Variants in CMTM8 observed in about 807,000 individuals in gnomAD.
CMTM8 encodes the protein CKLF like MARVEL transmembrane domain containing 8.
CMTM8 carries 12 observed loss-of-function variants against 18.6 expected under a neutral mutation model. The ratio of observed to expected loss-of-function variants is 0.65; its 90% CI spans 0.41 to 1.05. The LOEUF is 1.05. CMTM8 is among the 50% of genes least tolerant of loss of function. The probability of loss-of-function intolerance (pLI) is 0.00; values close to 1 mark genes in which losing one functional copy is unlikely to be tolerated. For synonymous variants in CMTM8, 87 were observed against 90.6 expected, an observed-to-expected ratio of 0.96 and a Z score of 0.23; for missense variants, 217 against 227.2, an observed-to-expected ratio of 0.95 and a Z score of 0.29.
chr3:32,268,712 T>C (rs1702388843), intron 1 of CMTM8, among the ~76,000 whole-genome samples: 1 of 152,128 alleles, frequency 6.6e-6, no homozygotes, highest in Non-Finnish European at 1.5e-5. Flanking sequence ...GCTTTGTAGG[T>C]AGAGTGGGAA....
rs867768478 is a variant in CMTM8 at position 32,340,622 on chromosome 3, C to T, written c.148-16751C>T. On this transcript the variant is annotated intron_variant, in intron 1 of 3. Coordinates refer to ENST00000307526, the MANE Select transcript of CMTM8 (RefSeq NM_178868.5). ...TTGGCAAACTTTTTCTATAAAGGGC[C>T]AGATAGTAAATATTTCAGGCTATGT... Among the ~76,000 whole-genome samples, 112 of 152,258 alleles carry T rather than the reference C, an allele frequency of 7.4e-4. No homozygotes were observed. The Middle Eastern group carries it at 0.02, about 28-fold the overall frequency.
At chr3:32,292,519 A>G (rs542234159) in intron 1 of CMTM8, among the ~76,000 whole-genome samples, 1 of 152,202 alleles carries the variant, frequency 6.6e-6, no homozygotes, top group Non-Finnish European at 1.5e-5. Context: ...AAAGCTGTGC[A>G]CAGAAATCTT....
chr3:32,288,668 T>C (rs750820802), intron 1 of CMTM8, among the ~76,000 whole-genome samples: 2 of 152,076 alleles, frequency 1.3e-5, no homozygotes, highest in Non-Finnish European at 2.9e-5. Flanking sequence ...GCCCAGCTAA[T>C]TTTTTGTATT....
intron 1 of CMTM8, among the ~76,000 whole-genome samples, chr3:32,251,887 C>T (rs1163124126): frequency 3.3e-5 from 5 of 150,948 alleles, no homozygotes; most frequent in Admixed American, 2.6e-4. Context: ...CTCAGGAGTT[C>T]GAGACTAGTC....
At chr3:32,366,271 G>A (rs1697033384) in intron 2 of CMTM8, among the ~76,000 whole-genome samples, 1 of 152,174 alleles carries the variant, frequency 6.6e-6, no homozygotes, top group Non-Finnish European at 1.5e-5. Flanking sequence ...AAGGGAAATA[G>A]CAGTTTCTTG....
chr3:32,259,307 C>A, intron 1 of CMTM8: 3 of 702,518 alleles, frequency 4.3e-6, no homozygotes, highest in Non-Finnish European at 7.9e-6. Flanking sequence ...GACCCCAGGT[C>A]AGAGACTGGG....
At chr3:32,275,412 G>C (rs1056068937) in intron 1 of CMTM8, among the ~76,000 whole-genome samples, 2 of 152,094 alleles carry the variant, frequency 1.3e-5, no homozygotes, top group African/African-American at 4.8e-5. Flanking sequence ...TATTTAACAT[G>C]TTAAAGCATC....
chr3:32,343,291 C>T (rs966040478), intron 1 of CMTM8, among the ~76,000 whole-genome samples: 1 of 152,214 alleles, frequency 6.6e-6, no homozygotes, highest in Non-Finnish European at 1.5e-5. Flanking sequence ...CATTCTCTGG[C>T]CTTCAAACCA....
chr3:32,298,433 C>T (rs1051310567), intron 1 of CMTM8, among the ~76,000 whole-genome samples: 27 of 141,458 alleles, frequency 1.9e-4, no homozygotes, highest in African/African-American at 7.1e-4. Flanking sequence ...TATAAACATA[C>T]CCCCCTTTTT....
chr3:32,290,557 T>C (rs1702763043), intron 1 of CMTM8, among the ~76,000 whole-genome samples: 1 of 152,274 alleles, frequency 6.6e-6, no homozygotes, highest in East Asian at 1.9e-4. Flanking sequence ...ACTTTGGTGC[T>C]GGAACATGGA....
intron 2 of CMTM8, among the ~76,000 whole-genome samples, chr3:32,361,286 G>GTTTTTTTTTTGTTTTTTTTTTTGT (rs58364646): frequency 4.6e-5 from 4 of 87,230 alleles, no homozygotes; most frequent in African/African-American, 1.6e-4. Flanking sequence ...CAGCCTAAGA[G>GTTTTTTTTTTGTTTTTTTTTTTGT]TTTTTTTTTC....
intron 1 of CMTM8, among the ~76,000 whole-genome samples, chr3:32,346,162 G>A (rs964175708): frequency 1.3e-5 from 2 of 152,106 alleles, no homozygotes; most frequent in South Asian, 4.1e-4. Context: ...CTCAAAAAAA[G>A]AAAAGAAAAG....
intron 1 of CMTM8, among the ~76,000 whole-genome samples, chr3:32,324,568 A>C (rs1166045307): frequency 6.6e-6 from 1 of 152,186 alleles, no homozygotes; most frequent in African/African-American, 2.4e-5. Flanking sequence ...AAGAGGGTGA[A>C]AAGGTAGCAG....
chr3:32,297,260 C>T (rs1702896258), intron 1 of CMTM8, among the ~76,000 whole-genome samples: 1 of 152,150 alleles, frequency 6.6e-6, no homozygotes, highest in Non-Finnish European at 1.5e-5. Flanking sequence ...CTCACTGCAA[C>T]CTCCACCTCC....
At chr3:32,361,287 T>TTTTTTTTTTGTTTTTTTTTTG (rs1228929205) in intron 2 of CMTM8, among the ~76,000 whole-genome samples, 27 of 33,650 alleles carry the variant, frequency 8.0e-4, no homozygotes, top group African/African-American at 1.6e-3. Context: ...AGCCTAAGAG[T>TTTTTTTTTTGTTTTTTTTTTG]TTTTTTTTCT....
intron 1 of CMTM8, among the ~76,000 whole-genome samples, chr3:32,307,563 G>A (rs1695739824): frequency 6.6e-6 from 1 of 152,186 alleles, no homozygotes; most frequent in Non-Finnish European, 1.5e-5. Context: ...TGGCAAGGCA[G>A]AGATGGCCAG....
At chr3:32,303,113 G>A (rs6780002) in intron 1 of CMTM8, among the ~76,000 whole-genome samples, 23,359 of 152,130 alleles carry the variant, frequency 0.15, 1,907 homozygotes, top group South Asian at 0.27. Flanking sequence ...AATTGCAGGC[G>A]TCTAGGATCC....
chr3:32,338,376 C>T (rs1696428901), intron 1 of CMTM8, among the ~76,000 whole-genome samples: 1 of 152,156 alleles, frequency 6.6e-6, no homozygotes, highest in African/African-American at 2.4e-5. Context: ...GGACACCTCC[C>T]ATTCCTTTCT....
intron 1 of CMTM8, among the ~76,000 whole-genome samples, chr3:32,334,856 C>G (rs765930978): frequency 6.6e-6 from 1 of 152,126 alleles, no homozygotes; most frequent in Non-Finnish European, 1.5e-5. Context: ...TGACATCCCC[C>G]GCTCATGCCT....
Sources: gnomAD v4.1 joint callset for allele counts (sites outside exome capture counted in the v4.1 genomes callset) on GRCh38, gnomAD v4.1.1 for gene constraint, MANE v1.5 for transcripts, NCBI Gene and HGNC (gene_info 2026-07-23, HGNC 2026-07-21) for gene names.